Variants in MON1B observed in about 807,000 individuals in gnomAD.
MON1B encodes vacuolar fusion protein MON1 homolog B.
In MON1B, 26 loss-of-function variants were observed where a neutral mutation model predicts 45.1. The observed-to-expected ratio is 0.58, with a 90% confidence interval of 0.42 to 0.80. The LOEUF (loss-of-function observed/expected upper bound fraction) is 0.80. Among genes scored for constraint, MON1B ranks in the 30% least tolerant of loss-of-function variants. The probability of loss-of-function intolerance (pLI) is 0.00; values close to 1 mark genes in which losing one functional copy is unlikely to be tolerated. For missense variants in MON1B, 737 were observed against 754.5 expected (o/e 0.98, Z 0.27); for synonymous variants, 395 against 320.2 (o/e 1.23, Z -2.49).
At position 77,198,332 on chromosome 16, in the gene MON1B, A is replaced by C. The variant is rs763321414; in HGVS notation, c.*24A>C. 1 of 1,602,418 alleles carries C rather than the reference A, an allele frequency of 6.2e-7. No individual in the cohort carries two copies. Among genetic ancestry groups the C allele is most frequent in the East Asian group, 2.2e-5 (1 of 44,802 alleles). ...GATAGTTGGAGCTCCCAGACCAGGC[A>C]GTGCTGGGAGCAACCACCTTTGTTT... On this transcript the variant is annotated 3_prime_UTR_variant, in exon 6 of 6. Transcript: ENST00000248248.
Position 77,198,194 on chromosome 16 carries a change from C to G in MON1B, c.1530C>G (p.Arg510=). The change falls in exon 6 of 6, where the codon CGC becomes CGG. Residue 510 remains arginine, a synonymous_variant. Transcript: ENST00000248248. The part of the protein sequence containing the change: ...GAILVVTKLL[R]WVKKEEDRLF... ...TCTTGGTAGTGACCAAACTCCTGCG[C>G]TGGGTGAAGAAAGAGGAGGACCGGC... The G allele has an allele frequency of 6.2e-7, 1 of 1,614,140 alleles. No individual in the cohort carries two copies. Among genetic ancestry groups the G allele is most frequent in the Non-Finnish European group, 8.5e-7 (1 of 1,180,022 alleles).
Position 77,198,302 on chromosome 16 carries a change from A to G in MON1B, c.1638A>G (p.Gly546=), listed in dbSNP as rs780366622. The stretch of plus-strand genomic sequence containing the variant: ...CTGCCCATAATGGCTTGTTCACTGG[A>G]CTCTGATAGTTGGAGCTCCCAGACC... The part of the protein sequence containing the change: ...DQAAHNGLFT[G]L Residue 546 remains glycine, a synonymous_variant, in exon 6 of 6, where the codon GGA becomes GGG. Coordinates refer to ENST00000248248, the MANE Select transcript of MON1B (RefSeq NM_014940.4). The G allele has an allele frequency of 2.5e-6, 4 of 1,613,582 alleles. No homozygotes were observed. The African/African-American group carries it at 4.0e-5, about 16-fold the overall frequency.
At position 77,198,634 on chromosome 16, in the gene MON1B, C is replaced by T. The variant is rs1169982307; in HGVS notation, c.*326C>T. The T allele has an allele frequency of 2.7e-6, 1 of 365,112 alleles. No individual in the cohort carries two copies. Among genetic ancestry groups the T allele is most frequent in the Non-Finnish European group, 5.2e-6 (1 of 193,910 alleles). The allele number at this position is 365,112 out of a possible 1,614,324, so 22.6% of individuals were successfully genotyped here. On this transcript the variant is annotated 3_prime_UTR_variant, in exon 6 of 6. Transcript: ENST00000248248. ...CCTCCAAACTTGCTTCCGTGGTCTG[C>T]CTCCTAGTTGAATCTCAGCCCTGAG...
chr16:77,191,327 A>G, intron 1 of MON1B, 69 bp downstream of exon 1: 1 of 1,463,888 alleles, frequency 6.8e-7, no homozygotes, highest in Non-Finnish European at 9.3e-7. Context: ...TGGAGGGGGG[A>G]CGTATTTGGG....
At chr16:77,191,288 C>G (rs1054911525) in intron 1 of MON1B, 30 bp downstream of exon 1, 4 of 1,543,882 alleles carry the variant, frequency 2.6e-6, no homozygotes, top group Non-Finnish European at 3.5e-6. Context: ...TCCTGAGGCC[C>G]AGTAGAGTCT....
chr16:77,198,042 G>A, intron 5 of MON1B, 66 bp from the exon 6 acceptor site: 1 of 1,504,062 alleles, frequency 6.6e-7, no homozygotes, highest in South Asian at 1.1e-5. Context: ...CAGCTGCACT[G>A]GGGTAGGCAG....
In MON1B at chr16:77,198,405, C is replaced by G; in HGVS notation, c.*97C>G. The G allele has an allele frequency of 7.4e-7, 1 of 1,350,066 alleles. No individual in the cohort carries two copies. Among genetic ancestry groups the G allele is most frequent in the Non-Finnish European group, 1.0e-6 (1 of 959,612 alleles). The allele number at this position is 1,350,066 out of a possible 1,614,324, so 83.6% of individuals were successfully genotyped here. A position where few individuals can be genotyped will look rare whatever the true frequency, so the allele number is the denominator to read the frequency against. On this transcript the variant is annotated 3_prime_UTR_variant, in exon 6 of 6. Coordinates refer to ENST00000248248, the MANE Select transcript of MON1B (RefSeq NM_014940.4). ...AATGTGTGTGGGGGTGTGTCTGTGGCCAGTCATTGTCTCCCTAAGCAATGG... is the reference window on the plus strand; with the variant it reads ...AATGTGTGTGGGGGTGTGTCTGTGGGCAGTCATTGTCTCCCTAAGCAATGG...
In MON1B at chr16:77,194,786, C is replaced by G; in HGVS notation, c.927C>G (p.Asp309Glu). Residue 309 changes from aspartate (D) to glutamate (E), a missense_variant, in exon 4 of 6, where the codon GAC becomes GAG. Transcript: ENST00000248248. The surrounding 1 kb of genome is among the most constrained non-coding windows in gnomAD (Gnocchi z 8.1). ...LDPADLQLLL[D>E]WVGAPAFAAG... ...CAGCTGACCTGCAGTTGCTGCTCGACTGGGTGGGTGCACCAGCCTTTGCGG... is the reference window on the plus strand; with the variant it reads ...CAGCTGACCTGCAGTTGCTGCTCGAGTGGGTGGGTGCACCAGCCTTTGCGG... 1.2e-6 allele frequency: 2 copies of G among 1,613,896 alleles called. No individual in the cohort carries two copies. Among genetic ancestry groups the G allele is most frequent in the Non-Finnish European group, 1.7e-6 (2 of 1,180,006 alleles).
At chr16:77,197,288 C>T (rs928149770) in intron 5 of MON1B, among the ~76,000 whole-genome samples, 5 of 152,020 alleles carry the variant, frequency 3.3e-5, no homozygotes, top group African/African-American at 4.8e-5. Context: ...CCCAGCTACT[C>T]GGGAGGCTGA....
rs1020493882 is a variant in MON1B at position 77,199,409 on chromosome 16, C to G, written c.*1101C>G. On this transcript the variant is annotated 3_prime_UTR_variant, in exon 6 of 6. Transcript: ENST00000248248. ...CACCCTCACGTGGTTTCTTTTTTAA[C>G]CAGTCATCAAGCGAGGCTCGCGCGC... 1.3e-6 allele frequency: 2 copies of G among 1,543,054 alleles called. No individual in the cohort carries two copies. Among genetic ancestry groups the G allele is most frequent in the Admixed American group, 2.0e-5 (1 of 50,312 alleles).
At position 77,199,633 on chromosome 16, in the gene MON1B, CT is replaced by C; in HGVS notation, c.*1329del. 1.1e-6 allele frequency: 1 copy of C among 887,270 alleles called. No individual in the cohort carries two copies. The allele number at this position is 887,270 out of a possible 1,614,324, so 55.0% of individuals were successfully genotyped here. On this transcript the variant is annotated 3_prime_UTR_variant, in exon 6 of 6. Transcript: ENST00000248248. ...AATTTTTTTAAATAAAATGTTAAGCCTTTTGTTATTGAAGAAAAACAATTTT... is the reference window on the plus strand; with the variant it reads ...AATTTTTTTAAATAAAATGTTAAGCCTTTGTTATTGAAGAAAAACAATTTT...
rs2054633104 is a variant in MON1B, at chr16:77,193,431, C to T, written c.149-20C>T. On this transcript the variant is annotated intron_variant, in intron 2 of 5. Transcript: ENST00000248248. This position sits in a 1 kb window ranked among gnomAD's most constrained non-coding sequence, Gnocchi z 5.0. ...GTTAGGAGTTCACATGCAGATGACC[C>T]ACCAGGGGCTCCCTTTCAGGATCCA... is the stretch of plus-strand genomic sequence containing the variant. The T allele has an allele frequency of 2.0e-6, 3 of 1,534,216 alleles. No individual in the cohort carries two copies. Among genetic ancestry groups the T allele is most frequent in the African/African-American group, 2.8e-5 (2 of 72,482 alleles).
intron 1 of MON1B, 83 bp downstream of exon 1, chr16:77,191,341 G>C: frequency 6.4e-7 from 1 of 1,556,786 alleles, no homozygotes; most frequent in Non-Finnish European, 8.7e-7. Flanking sequence ...ATTTGGGCAT[G>C]ATTTTGGATG....
chr16:77,192,121 C>G (rs1217935311), intron 2 of MON1B, among the ~76,000 whole-genome samples: 1 of 152,016 alleles, frequency 6.6e-6, no homozygotes, highest in Non-Finnish European at 1.5e-5. Flanking sequence ...TTTAAGGGAC[C>G]AAATGTTAGT....
In MON1B at chr16:77,195,657, C is replaced by T. The variant is rs1189231745; in HGVS notation, c.1418C>T (p.Ala473Val). The stretch of plus-strand genomic sequence containing the variant: ...CCCCTGCGCCTCATTTACCACGTGG[C>T]TGAGAAGGAGACACTACTGGCCTGG... ...SRPLRLIYHV[A>V]EKETLLAWVT... The change falls in exon 5 of 6, where the codon GCT becomes GTT. Residue 473 changes from alanine (A) to valine (V), a missense_variant. Physicochemically the swap from Ala to Val is moderately conservative, Grantham distance 64 (BLOSUM62 0). Transcript: ENST00000248248. The T allele has an allele frequency of 6.2e-7, 1 of 1,614,026 alleles. No homozygotes were observed. The highest frequency in any genetic ancestry group is 1.3e-5 in the African/African-American group (1 of 74,916).
At position 77,193,236 on chromosome 16, in the gene MON1B, G is replaced by C. The variant is rs568777690; in HGVS notation, c.149-215G>C. ...CAATGAGAATATGTTGGTTTATTAG[G>C]GTTTTAGGAAGTTCATTGGAACCTA... is the stretch of plus-strand genomic sequence containing the variant. On this transcript the variant is annotated intron_variant, in intron 2 of 5. Coordinates refer to ENST00000248248, the MANE Select transcript of MON1B (RefSeq NM_014940.4). This position sits in a 1 kb window ranked among gnomAD's most constrained non-coding sequence, Gnocchi z 5.0. Among the ~76,000 whole-genome samples, 1 of 152,202 alleles carries C rather than the reference G, an allele frequency of 6.6e-6. No individual in the cohort carries two copies. Among genetic ancestry groups the C allele is most frequent in the East Asian group, 1.9e-4 (1 of 5,182 alleles).
At position 77,194,120 on chromosome 16, in the gene MON1B, T is replaced by C; in HGVS notation, c.476-215T>C. ...GCCTGCCCGTGGTCTTTGCTGTGTA[T>C]CTAACCTACTTGTTCCTTTGTCCAT... On this transcript the variant is annotated intron_variant, in intron 3 of 5. Transcript: ENST00000248248. This position sits in a 1 kb window ranked among gnomAD's most constrained non-coding sequence, Gnocchi z 8.1. The C allele has an allele frequency of 1.6e-6, 1 of 635,780 alleles. No individual in the cohort carries two copies. The highest frequency in any genetic ancestry group is 2.8e-6 in the Non-Finnish European group (1 of 355,826). 39.4% of individuals were successfully genotyped at this position (635,780 alleles called of 1,614,324 possible).
chr16:77,191,358 C>T (rs1471510852), intron 1 of MON1B, 100 bp downstream of exon 1: 3 of 1,570,964 alleles, frequency 1.9e-6, no homozygotes, highest in South Asian at 2.3e-5. Flanking sequence ...GATGTCTCGT[C>T]CTATTGAAAT....
rs1241372858 is a variant in MON1B at position 77,192,407 on chromosome 16, GAC to G, written c.148+776_148+777del. ...TGGGATTTTATGGGAAAATTATTGA[GAC>G]ATAGTTGCACATGGATAATAATGGT... is the stretch of plus-strand genomic sequence containing the variant. On this transcript the variant is annotated intron_variant, in intron 2 of 5. Transcript: ENST00000248248. 5.9e-5 allele frequency among the ~76,000 whole-genome samples: 9 copies of G among 152,346 alleles called. No homozygotes were observed. The South Asian group carries it at 1.9e-3, about 32-fold the overall frequency.
Sources: gnomAD v4.1 joint callset for allele counts (sites outside exome capture counted in the v4.1 genomes callset) on GRCh38, gnomAD v4.1.1 for gene constraint, Gnocchi (gnomAD v3.1) non-coding constraint, MANE v1.5 for transcripts, NCBI Gene and HGNC (gene_info 2026-07-23, HGNC 2026-07-21) for gene names.